Variants in SPATA13 observed in about 807,000 individuals in gnomAD.
SPATA13 encodes spermatogenesis-associated protein 13.
SPATA13 carries 50 observed loss-of-function variants against 104.0 expected under a neutral mutation model. That is an observed-to-expected ratio of 0.48 (90% confidence interval 0.38 to 0.61). SPATA13 has a LOEUF of 0.61. SPATA13 is among the 20% of genes least tolerant of loss of function. The pLI, the probability that SPATA13 is intolerant of heterozygous loss-of-function variation, is 0.00. For synonymous variants in SPATA13, 606 were observed against 667.5 expected (o/e 0.91, Z 1.42); for missense variants, 1,524 against 1,690.6 (o/e 0.90, Z 1.73).
intron 1 of SPATA13, among the ~76,000 whole-genome samples, chr13:24,174,972 T>TGGC: frequency 6.6e-6 from 1 of 152,234 alleles, no homozygotes; most frequent in Non-Finnish European, 1.5e-5. Flanking sequence ...TTTGTTAACT[T>TGGC]TCTGTTACTG....
intron 3 of SPATA13, among the ~76,000 whole-genome samples, chr13:24,116,666 G>C (rs1217947004): frequency 1.3e-5 from 2 of 152,120 alleles, no homozygotes; most frequent in East Asian, 3.9e-4. Context: ...AGTCACTGAG[G>C]TAGGATTTCA....
rs1191369136 is a variant in SPATA13 at position 24,249,810 on chromosome 13, C to A, written c.1987C>A (p.Gln663Lys). The change falls in exon 3 of 13, where the codon CAG becomes AAG. Residue 663 changes from glutamine to lysine, a missense_variant. Gln to Lys is a moderately conservative substitution (Grantham distance 53, BLOSUM62 1). This residue lies in a region of SPATA13 where 1,089 missense variants were observed against 1,135.9 expected (regional missense o/e 0.96). Transcript: ENST00000382108. Reference sequence around the variant, plus strand: ...TGGGGTCAGCTTGTATGGGACCAACCAGACGGAGGAACTGGACAATCTTCT... The same window carrying A: ...TGGGGTCAGCTTGTATGGGACCAACAAGACGGAGGAACTGGACAATCTTCT... ...IGGVSLYGTNQTEELDNLLTQ... is the reference protein window; with the variant it reads ...IGGVSLYGTNKTEELDNLLTQ... 1.2e-6 allele frequency: 2 copies of A among 1,610,808 alleles called. No homozygotes were observed. Among genetic ancestry groups the A allele is most frequent in the African/African-American group, 2.7e-5 (2 of 74,790 alleles).
intron 1 of SPATA13, among the ~76,000 whole-genome samples, chr13:24,198,804 G>A (rs968221791): frequency 2.0e-5 from 3 of 152,144 alleles, no homozygotes; most frequent in Non-Finnish European, 4.4e-5. Context: ...AGTTAGATGA[G>A]TACCACCAGC....
At chr13:24,015,666 C>T (rs533834705) in intron 2 of SPATA13, among the ~76,000 whole-genome samples, 223 of 152,300 alleles carry the variant, frequency 1.5e-3, no homozygotes, top group Non-Finnish European at 1.6e-3. Flanking sequence ...TCCCTGCCAT[C>T]CCCTAGAAGG....
At chr13:24,213,473 G>T (rs1015716901) in intron 1 of SPATA13, among the ~76,000 whole-genome samples, 4 of 151,380 alleles carry the variant, frequency 2.6e-5, no homozygotes, top group African/African-American at 9.7e-5. Context: ...CGCCATATTG[G>T]CCAGGCTGCT....
intron 11 of SPATA13, among the ~76,000 whole-genome samples, chr13:24,298,147 A>T (rs1485551684): frequency 6.6e-6 from 1 of 152,190 alleles, no homozygotes; most frequent in African/African-American, 2.4e-5. Context: ...TGAAGAATAA[A>T]TAATAAAACC....
chr13:24,166,068 G>GA (rs1882720321), intron 1 of SPATA13, among the ~76,000 whole-genome samples: 1 of 152,200 alleles, frequency 6.6e-6, no homozygotes, highest in Non-Finnish European at 1.5e-5. Context: ...CATCAGGAAT[G>GA]GCCTATTTAG....
intron 3 of SPATA13, among the ~76,000 whole-genome samples, chr13:24,085,100 G>A (rs1278539280): frequency 5.9e-5 from 9 of 152,048 alleles, no homozygotes; most frequent in Admixed American, 5.2e-4. Flanking sequence ...GTGTAGTGTG[G>A]CATGTAGGGC....
intron 12 of SPATA13, 58 bp downstream of exon 12, chr13:24,300,533 G>A (rs1566204453): frequency 6.6e-7 from 1 of 1,513,534 alleles, no homozygotes; most frequent in South Asian, 1.1e-5. Context: ...CCTGAAAATG[G>A]GAGCATACCC....
At position 24,033,761 on chromosome 13, in the gene SPATA13, A is replaced by G. The variant is rs186120267; in HGVS notation, c.-112+16060A>G. 7.2e-5 allele frequency: 11 copies of G among 152,392 alleles called. No homozygotes were observed. In the East Asian group the frequency reaches 1.7e-3, roughly 24 times the overall value. The allele number at this position is 152,392 out of a possible 1,614,324, so 9.4% of individuals were successfully genotyped here. On this transcript the variant is annotated intron_variant, in intron 3 of 14. Coordinates refer to the SPATA13 transcript ENST00000424834. Reference sequence around the variant, plus strand: ...CCACCTGGCTGCGTGTCCCTCCGTCATGTGACAGGTGAGCCCTGCCATCCA... The same window carrying G: ...CCACCTGGCTGCGTGTCCCTCCGTCGTGTGACAGGTGAGCCCTGCCATCCA...
intron 3 of SPATA13, among the ~76,000 whole-genome samples, chr13:24,026,930 A>G (rs1426760214): frequency 6.6e-6 from 1 of 151,892 alleles, no homozygotes; most frequent in African/African-American, 2.4e-5. Context: ...AGGAAGATTT[A>G]AAATGACTGA....
chr13:24,138,316 A>AC lies in SPATA13; in HGVS notation c.-111-84503_-111-84502insC, dbSNP rs565212350. On this transcript the variant is annotated intron_variant, in intron 3 of 14. Coordinates refer to the SPATA13 transcript ENST00000424834. The stretch of plus-strand genomic sequence containing the variant: ...GCAAGACTCCGTCTGAAAAAAAAAA[A>AC]AAAAACAGTTTTACTGAATTAGTAT... Among the ~76,000 whole-genome samples the AC allele has an allele frequency of 4.7e-3, 46 of 9,880 alleles. No individual in the cohort carries two copies. The East Asian group carries it at 0.05, about 11-fold the overall frequency. 6.5% of individuals were successfully genotyped at this position (9,880 alleles called of 152,430 possible).
chr13:24,224,230 C>T lies in SPATA13; in HGVS notation c.1301C>T (p.Pro434Leu), dbSNP rs765870649. ...SSCTCSSLPSPIVQDVLSKDS... is the reference protein window; with the variant it reads ...SSCTCSSLPSLIVQDVLSKDS... ...TGCACTTGCAGCTCTTTGCCAAGCC[C>T]GATTGTCCAGGATGTGTTGAGCAAA... Residue 434 changes from proline to leucine, a missense_variant, in exon 2 of 13, where the codon CCG becomes CTG. Pro to Leu is a moderately conservative substitution (Grantham distance 98). Coordinates refer to ENST00000382108, the MANE Select transcript of SPATA13 (RefSeq NM_001166271.3). The T allele has an allele frequency of 1.9e-5, 30 of 1,551,590 alleles. No individual in the cohort carries two copies. Among genetic ancestry groups the T allele is most frequent in the South Asian group, 1.1e-4 (9 of 84,056 alleles).
intron 3 of SPATA13, among the ~76,000 whole-genome samples, chr13:24,022,645 G>T (rs1275262283): frequency 6.6e-6 from 1 of 152,114 alleles, no homozygotes; most frequent in African/African-American, 2.4e-5. Flanking sequence ...ACTAAAATAA[G>T]AATTTTTTGG....
chr13:24,265,623 T>G (rs762365922), intron 4 of SPATA13, among the ~76,000 whole-genome samples: 3 of 152,102 alleles, frequency 2.0e-5, no homozygotes, highest in Non-Finnish European at 2.9e-5. Flanking sequence ...GGAGTTGGGA[T>G]TATGGGTCAT....
rs151051819 is a variant in SPATA13 at position 23,983,998 on chromosome 13, G to T, written c.-147+65G>T. On this transcript the variant is annotated intron_variant, in intron 2 of 14. Coordinates refer to the SPATA13 transcript ENST00000424834. ...GCTTATTTCTAACAAGATACCTATG[G>T]CAGAGTATTTCAGGCTGTTTGTGAA... 81 of 971,608 alleles carry T rather than the reference G, an allele frequency of 8.3e-5. No individual in the cohort carries two copies. In the African/African-American group the frequency reaches 1.4e-3, roughly 16 times the overall value. 60.2% of individuals were successfully genotyped at this position (971,608 alleles called of 1,614,324 possible). A position where few individuals can be genotyped will look rare whatever the true frequency, so the allele number is the denominator to read the frequency against.
chr13:24,287,846 C>T lies in SPATA13; in HGVS notation c.2667+896C>T, dbSNP rs1158732749. Among the ~76,000 whole-genome samples the T allele has an allele frequency of 2.0e-5, 3 of 152,216 alleles. No homozygotes were observed. In the East Asian group the frequency reaches 5.8e-4, roughly 29 times the overall value. Reference sequence around the variant, plus strand: ...TTCTATGGATTGTGTACGAGCATCACACTACACTGCTGTTCGCCCTGTCTG... The same window carrying T: ...TTCTATGGATTGTGTACGAGCATCATACTACACTGCTGTTCGCCCTGTCTG... On this transcript the variant is annotated intron_variant, in intron 7 of 12. Transcript: ENST00000382108.
rs138123583 is a variant in SPATA13, at chr13:24,168,213, T to C, written c.-112+7281T>C. Among the ~76,000 whole-genome samples the C allele has an allele frequency of 7.2e-5, 11 of 152,328 alleles. 2 individuals carry two copies. The highest frequency in any genetic ancestry group is 2.6e-4 in the African/African-American group (11 of 41,570). On this transcript the variant is annotated intron_variant, in intron 1 of 12. Coordinates refer to ENST00000382108, the MANE Select transcript of SPATA13 (RefSeq NM_001166271.3). ...CCCAGGACTGTAAGACTTGAGTAAG[T>C]GACCCATAGCCGGTGCCCTTGGAAT... is the stretch of plus-strand genomic sequence containing the variant.
At chr13:24,039,032 A>G (rs1056492546) in intron 3 of SPATA13, among the ~76,000 whole-genome samples, 4 of 152,170 alleles carry the variant, frequency 2.6e-5, no homozygotes, top group African/African-American at 9.7e-5. Flanking sequence ...CTTCTATCAG[A>G]GACGATTAAA....
Sources: gnomAD v4.1 joint callset for allele counts (sites outside exome capture counted in the v4.1 genomes callset) on GRCh38, gnomAD v4.1.1 for gene constraint, gnomAD v4.1.1 regional missense constraint, MANE v1.5 for transcripts, NCBI Gene and HGNC (gene_info 2026-07-23, HGNC 2026-07-21) for gene names.